SCGB2B2: variants seen among roughly 807,000 people sequenced by gnomAD.
SCGB2B2 encodes secretoglobin-like protein.
In SCGB2B2, 11 loss-of-function variants were observed where a neutral mutation model predicts 7.6. The ratio of observed to expected loss-of-function variants is 1.45; its 90% CI spans 0.91 to 2.40. SCGB2B2 has a LOEUF of 2.40. Among genes scored for constraint, SCGB2B2 ranks in the 30% most tolerant of loss-of-function variants. SCGB2B2 has a pLI of 0.00. For missense variants in SCGB2B2, 104 were observed against 115.4 expected (o/e 0.90, Z 0.45); for synonymous variants, 50 against 48.6 (o/e 1.03, Z -0.12).
intron 1 of SCGB2B2, among the ~76,000 whole-genome samples, chr19:34,657,308 A>G (rs1166626431): frequency 6.6e-6 from 1 of 151,208 alleles, no homozygotes. Context: ...AGACTGGCAA[A>G]TTGGATAAAG....
chr19:34,614,867 T>C (rs1465530451), intron 1 of SCGB2B2, among the ~76,000 whole-genome samples: 1 of 152,132 alleles, frequency 6.6e-6, no homozygotes, highest in African/African-American at 2.4e-5. Flanking sequence ...AGTTTCCTTA[T>C]CTGTGTTGAA....
chr19:34,618,132 C>G (rs1274344747), intron 1 of SCGB2B2, among the ~76,000 whole-genome samples: 2 of 152,224 alleles, frequency 1.3e-5, no homozygotes, highest in Admixed American at 6.5e-5. Flanking sequence ...CGGAGCTGTT[C>G]CTACTCGGCC....
chr19:34,635,335 A>G (rs1027001175), intron 1 of SCGB2B2: 19 of 296,520 alleles, frequency 6.4e-5, no homozygotes, highest in Middle Eastern at 4.4e-4. Flanking sequence ...GCTTTCCCAC[A>G]TTCACTGCAT....
chr19:34,613,594 G>GTGT (rs1308910571), intron 1 of SCGB2B2, among the ~76,000 whole-genome samples: 2 of 150,448 alleles, frequency 1.3e-5, no homozygotes, highest in Non-Finnish European at 3.0e-5. Flanking sequence ...TGTTTTCTGA[G>GTGT]TGTTGTGTAT....
intron 1 of SCGB2B2, among the ~76,000 whole-genome samples, chr19:34,656,595 C>A (rs1484632233): frequency 1.3e-5 from 2 of 151,112 alleles, no homozygotes; most frequent in South Asian, 2.1e-4. Flanking sequence ...AAAGCACAAC[C>A]TTGTCTCAAA....
At chr19:34,624,713 G>A (rs1179990296) in intron 1 of SCGB2B2, among the ~76,000 whole-genome samples, 1 of 152,168 alleles carries the variant, frequency 6.6e-6, no homozygotes, top group African/African-American at 2.4e-5. Context: ...GCCTTCAGTT[G>A]CCCCAGGACC....
chr19:34,589,331 C>G (rs1268394376), downstream of SCGB2B2, among the ~76,000 whole-genome samples: 1 of 151,660 alleles, frequency 6.6e-6, no homozygotes, highest in Non-Finnish European at 1.5e-5. Context: ...TGTCTTCTAC[C>G]AGGGAGTGGC....
intron 1 of SCGB2B2, among the ~76,000 whole-genome samples, chr19:34,623,437 A>G (rs2066290028): frequency 6.6e-6 from 1 of 152,172 alleles, no homozygotes; most frequent in Non-Finnish European, 1.5e-5. Context: ...GAAAGGTAGA[A>G]AGGGCGTCCT....
chr19:34,613,606 T>TC (rs1461177841), intron 1 of SCGB2B2, among the ~76,000 whole-genome samples: 8 of 152,184 alleles, frequency 5.3e-5, no homozygotes, highest in African/African-American at 1.9e-4. Flanking sequence ...GTTGTGTATA[T>TC]CCTTTGTTGT....
Position 34,593,375 on chromosome 19 carries a change from G to A in SCGB2B2, c.*180C>T, listed in dbSNP as rs1387687582. The A allele has an allele frequency of 7.2e-6, 4 of 552,952 alleles. No individual in the cohort carries two copies. Among genetic ancestry groups the A allele is most frequent in the African/African-American group, 3.8e-5 (2 of 53,064 alleles). The allele number at this position is 552,952 out of a possible 1,614,324, so 34.3% of individuals were successfully genotyped here. On this transcript the variant is annotated 3_prime_UTR_variant, in exon 4 of 4. Transcript: ENST00000601241. Reference sequence around the variant, plus strand: ...TTCCTCAGTCGCATATTTTCACACTGGGACCCTGGTCACACTCTGCATATG... The same window carrying A: ...TTCCTCAGTCGCATATTTTCACACTAGGACCCTGGTCACACTCTGCATATG...
intron 1 of SCGB2B2, among the ~76,000 whole-genome samples, chr19:34,608,226 T>G (rs2065832655): frequency 6.6e-6 from 1 of 152,126 alleles, no homozygotes; most frequent in African/African-American, 2.4e-5. Context: ...TTACTGGAAA[T>G]GTAATTGCCT....
At chr19:34,645,939 C>A in intron 1 of SCGB2B2, 1 of 282,168 alleles carries the variant, frequency 3.5e-6, no homozygotes, top group Non-Finnish European at 7.0e-6. Context: ...TTTTGCATAC[C>A]CAGAGGACCT....
At position 34,594,215 on chromosome 19, in the gene SCGB2B2, T is replaced by A; in HGVS notation, c.206A>T (p.Asn69Ile). The A allele has an allele frequency of 6.2e-7, 1 of 1,614,112 alleles. No individual in the cohort carries two copies. Among genetic ancestry groups the A allele is most frequent in the Non-Finnish European group, 8.5e-7 (1 of 1,179,988 alleles). Residue 69 changes from asparagine to isoleucine, a missense_variant, in exon 3 of 4, where the codon AAT becomes ATT. Asn to Ile is a moderately radical substitution (Grantham distance 149). Coordinates refer to ENST00000601241, the MANE Select transcript of SCGB2B2 (RefSeq NM_001025591.4). ...SFLNVQQCFA[N>I]VSVTERFAHS... ...AGCAAATCTTTCTGTCACGGAGACA[T>A]TGGCAAAGCATTGCTGGACATTGAG...
intron 1 of SCGB2B2, among the ~76,000 whole-genome samples, chr19:34,661,982 C>T (rs530742138): frequency 1.2e-4 from 19 of 152,132 alleles, no homozygotes; most frequent in African/African-American, 2.2e-4. Flanking sequence ...CAGGTTCAAG[C>T]AATTCTCCTG....
At chr19:34,650,682 A>G (rs1366503930) in intron 1 of SCGB2B2, among the ~76,000 whole-genome samples, 1 of 151,376 alleles carries the variant, frequency 6.6e-6, no homozygotes, top group East Asian at 1.9e-4. Context: ...ACGTTTAGGA[A>G]GAAATAACAG....
At chr19:34,597,784 G>T (rs977863983) in intron 1 of SCGB2B2, among the ~76,000 whole-genome samples, 2 of 152,200 alleles carry the variant, frequency 1.3e-5, no homozygotes, top group Non-Finnish European at 2.9e-5. Context: ...GCCCAGGGCA[G>T]GTCCAGGGCC....
chr19:34,645,124 C>G (rs1160904773), intron 1 of SCGB2B2, among the ~76,000 whole-genome samples: 1 of 152,186 alleles, frequency 6.6e-6, no homozygotes, highest in East Asian at 1.9e-4. Flanking sequence ...GATGTCTACC[C>G]AGAAATATCT....
At chr19:34,586,312 C>T (rs896464393), downstream of SCGB2B2, among the ~76,000 whole-genome samples, 4 of 152,070 alleles carry the variant, frequency 2.6e-5, no homozygotes, top group African/African-American at 4.8e-5. Flanking sequence ...ATCTGAAGTA[C>T]ATAATTTGTG....
Position 34,592,321 on chromosome 19 carries a change from T to C in SCGB2B2, c.*1234A>G, listed in dbSNP as rs888767101. Among the ~76,000 whole-genome samples, 1 of 152,060 alleles carries C rather than the reference T, an allele frequency of 6.6e-6. No homozygotes were observed. Among genetic ancestry groups the C allele is most frequent in the Admixed American group, 6.6e-5 (1 of 15,262 alleles). On this transcript the variant is annotated 3_prime_UTR_variant, in exon 4 of 4. Transcript: ENST00000601241. ...CCTGCTGAAGGTGGGTCTGCACTTG[T>C]AGGGAAATGAGCTCTCAAAGATCCA...
Sources: allele counts gnomAD v4.1 joint callset (sites outside exome capture counted in the v4.1 genomes callset), GRCh38; gene constraint gnomAD v4.1.1; transcripts MANE v1.5; gene names NCBI Gene and HGNC (gene_info 2026-07-23, HGNC 2026-07-21).